RAD51B: variants seen among roughly 807,000 people sequenced by gnomAD.
The protein encoded by RAD51B is DNA repair protein RAD51 homolog 2.
RAD51B carries 38 observed loss-of-function variants against 42.2 expected under a neutral mutation model. The observed-to-expected ratio is 0.90, with a 90% CI of 0.70 to 1.18. The LOEUF is 1.18. Ranked by LOEUF, RAD51B falls within the 50% of genes most tolerant of loss-of-function variation. RAD51B has a pLI of 0.00. For missense variants in RAD51B, 373 were observed against 400.7 expected (o/e 0.93, Z 0.59); for synonymous variants, 154 against 145.2 (o/e 1.06, Z -0.43).
chr14:68,681,011 T>C (rs1893419693), intron 11 of RAD51B, among the ~76,000 whole-genome samples: 1 of 152,044 alleles, frequency 6.6e-6, no homozygotes, highest in Non-Finnish European at 1.5e-5. Context: ...CAGGAGAGGC[T>C]ATTCTGGGAT....
At chr14:67,893,455 C>G (rs937585699) in intron 7 of RAD51B, among the ~76,000 whole-genome samples, 1 of 134,488 alleles carries the variant, frequency 7.4e-6, no homozygotes, top group Non-Finnish European at 1.6e-5. Context: ...TCTTCTCACA[C>G]ACACAGACAC....
intron 9 of RAD51B, among the ~76,000 whole-genome samples, chr14:68,460,500 A>G (rs889981536): frequency 1.3e-5 from 2 of 152,170 alleles, no homozygotes; most frequent in Middle Eastern, 3.2e-3. Context: ...CCTGTGCCCA[A>G]GGTTCCTGAC....
intron 7 of RAD51B, among the ~76,000 whole-genome samples, chr14:67,919,948 A>G (rs910866014): frequency 1.1e-4 from 16 of 152,184 alleles, no homozygotes; most frequent in African/African-American, 3.6e-4. Context: ...GTCATATTCT[A>G]GAAAAGAAAG....
At chr14:68,096,682 A>G (rs1397810140) in intron 7 of RAD51B, among the ~76,000 whole-genome samples, 4 of 152,208 alleles carry the variant, frequency 2.6e-5, no homozygotes, top group Admixed American at 1.3e-4. Flanking sequence ...ACAACGATTC[A>G]TGTTTTTAAA....
At chr14:68,004,225 C>T (rs912436581) in intron 7 of RAD51B, among the ~76,000 whole-genome samples, 3 of 148,850 alleles carry the variant, frequency 2.0e-5, no homozygotes, top group South Asian at 2.1e-4. Context: ...CCCAGCTACT[C>T]GGGACGCTGA....
chr14:67,824,874 C>A (rs556797791), intron 2 of RAD51B, among the ~76,000 whole-genome samples: 96 of 151,292 alleles, frequency 6.3e-4, no homozygotes, highest in African/African-American at 2.1e-3. Context: ...GTCAGGAGTT[C>A]GAGACTAGCC....
chr14:68,203,234 C>T (rs746534426), intron 7 of RAD51B, among the ~76,000 whole-genome samples: 1 of 152,156 alleles, frequency 6.6e-6, no homozygotes, highest in Non-Finnish European at 1.5e-5. Context: ...AATATTAAGA[C>T]TTGAATGTTG....
chr14:68,366,181 C>T (rs2083138952), intron 8 of RAD51B, among the ~76,000 whole-genome samples: 1 of 152,162 alleles, frequency 6.6e-6, no homozygotes, highest in African/African-American at 2.4e-5. Context: ...AATAAATTAA[C>T]ATGTTGCCTT....
chr14:68,349,923 T>A (rs561822694), intron 8 of RAD51B, among the ~76,000 whole-genome samples: 1 of 152,178 alleles, frequency 6.6e-6, no homozygotes, highest in Non-Finnish European at 1.5e-5. Context: ...AAATTACACA[T>A]AGATGCAAGC....
intron 7 of RAD51B, among the ~76,000 whole-genome samples, chr14:67,926,107 C>G (rs556754284): frequency 6.6e-6 from 1 of 152,140 alleles, no homozygotes; most frequent in South Asian, 2.1e-4. Context: ...AACATTTGGC[C>G]CCTTATTACT....
intron 7 of RAD51B, among the ~76,000 whole-genome samples, chr14:68,204,279 G>A (rs1265081347): frequency 6.6e-6 from 1 of 152,206 alleles, no homozygotes; most frequent in Non-Finnish European, 1.5e-5. Flanking sequence ...TATTGGTATT[G>A]TCTCAGGGAA....
chr14:68,355,732 A>G (rs949996381), intron 8 of RAD51B, among the ~76,000 whole-genome samples: 3 of 152,222 alleles, frequency 2.0e-5, no homozygotes, highest in Non-Finnish European at 4.4e-5. Context: ...GAGAGAAATA[A>G]CATTTTGGTG....
Position 68,525,571 on chromosome 14 carries a change from T to C in RAD51B, c.1036+57321T>C, listed in dbSNP as rs533082291. Among the ~76,000 whole-genome samples the C allele has an allele frequency of 4.6e-5, 7 of 152,354 alleles. No homozygotes were observed. In the East Asian group the frequency reaches 5.8e-4, roughly 13 times the overall value. On this transcript the variant is annotated intron_variant, in intron 10 of 10. Transcript: ENST00000487270. ...CTCCTGGCTAAGCCCCACCTGCATA[T>C]GAGCACTTCAGCCATCAGAGTTTCC...
chr14:68,619,876 G>C (rs61987069), intron 10 of RAD51B, among the ~76,000 whole-genome samples: 24,473 of 152,184 alleles, frequency 0.16, 2,316 homozygotes, highest in Middle Eastern at 0.22. Context: ...GGACACTTAA[G>C]TCCCCTTTTG....
At chr14:68,099,434 A>G (rs1424487664) in intron 7 of RAD51B, among the ~76,000 whole-genome samples, 1 of 152,228 alleles carries the variant, frequency 6.6e-6, no homozygotes, top group Non-Finnish European at 1.5e-5. Context: ...AAACCTTCTT[A>G]AATTCTTTTA....
intron 8 of RAD51B, among the ~76,000 whole-genome samples, chr14:68,379,938 A>G (rs1196802762): frequency 1.3e-5 from 2 of 152,232 alleles, no homozygotes; most frequent in Non-Finnish European, 1.5e-5. Context: ...ATCTATAAAC[A>G]TAGAGTGTGT....
chr14:68,420,850 C>T (rs897622901), intron 9 of RAD51B, among the ~76,000 whole-genome samples: 2 of 152,156 alleles, frequency 1.3e-5, no homozygotes, highest in African/African-American at 2.4e-5. Context: ...GTTTTCAAGA[C>T]AGAGTCACTC....
intron 10 of RAD51B, among the ~76,000 whole-genome samples, chr14:68,493,559 C>T (rs529410956): frequency 3.3e-5 from 5 of 152,354 alleles, no homozygotes; most frequent in African/African-American, 1.2e-4. Context: ...CATATACCCA[C>T]GATTAGCTCG....
chr14:68,350,363 C>G (rs1566825961), intron 8 of RAD51B, among the ~76,000 whole-genome samples: 1 of 152,214 alleles, frequency 6.6e-6, no homozygotes, highest in South Asian at 2.1e-4. Context: ...TCAGGAATCA[C>G]AGTTTTGACT....
Sources: gnomAD v4.1 joint callset for allele counts (sites outside exome capture counted in the v4.1 genomes callset) on GRCh38, gnomAD v4.1.1 for gene constraint, MANE v1.5 for transcripts, NCBI Gene and HGNC (gene_info 2026-07-23, HGNC 2026-07-21) for gene names.